MREG: variants seen among roughly 807,000 people sequenced by gnomAD.
The protein encoded by MREG is dilute suppressor protein homolog.
MREG carries 31 observed loss-of-function variants against 28.5 expected under a neutral mutation model. The ratio of observed to expected loss-of-function variants is 1.09; its 90% CI spans 0.82 to 1.47. The LOEUF is 1.47. Among genes scored for constraint, MREG ranks in the 40% most tolerant of loss-of-function variants. The pLI, the probability that MREG is intolerant of heterozygous loss-of-function variation, is 0.00. For synonymous variants in MREG, 106 were observed against 95.2 expected, an observed-to-expected ratio of 1.11 and a Z score of -0.66; for missense variants, 256 against 257.4, an observed-to-expected ratio of 0.99 and a Z score of 0.04.
chr2:215,977,032 T>C (rs1693280708), intron 2 of MREG, among the ~76,000 whole-genome samples: 1 of 152,148 alleles, frequency 6.6e-6, no homozygotes. Flanking sequence ...TATAACAATA[T>C]TAACCTTAAA....
At chr2:216,028,899 TAAAG>T (rs140325166) in intron 1 of MREG, among the ~76,000 whole-genome samples, 66 of 151,420 alleles carry the variant, frequency 4.4e-4, no homozygotes, top group African/African-American at 1.6e-3. Context: ...TACACCACAA[TAAAG>T]AAAAAGAACA....
chr2:216,014,379 G>C (rs555512540), upstream of MREG, among the ~76,000 whole-genome samples: 12 of 152,250 alleles, frequency 7.9e-5, no homozygotes, highest in African/African-American at 2.2e-4. Flanking sequence ...GGCCGGGCGC[G>C]GTAGCTCAAG....
At chr2:215,939,594 A>C (rs1692172226), downstream of MREG, 1 of 152,332 alleles carries the variant, frequency 6.6e-6, no homozygotes, top group Admixed American at 6.5e-5. Context: ...ATAAAAAACA[A>C]ATGGAGCTCT....
At chr2:215,951,254 A>T (rs1325586310) in intron 2 of MREG, among the ~76,000 whole-genome samples, 1 of 152,184 alleles carries the variant, frequency 6.6e-6, no homozygotes, top group Non-Finnish European at 1.5e-5. Flanking sequence ...GTGATGTAAA[A>T]AATGTTATCC....
At chr2:215,974,708 G>C (rs1693194859) in intron 2 of MREG, among the ~76,000 whole-genome samples, 1 of 151,996 alleles carries the variant, frequency 6.6e-6, no homozygotes, top group African/African-American at 2.4e-5. Context: ...AAGAATCTTA[G>C]ACCCTTGGAA....
chr2:215,964,212 G>A (rs1159739278), intron 2 of MREG, among the ~76,000 whole-genome samples: 1 of 152,084 alleles, frequency 6.6e-6, no homozygotes, highest in Non-Finnish European at 1.5e-5. Flanking sequence ...GGCCAGGTGT[G>A]GTGGCCCACA....
chr2:215,962,435 T>A (rs1692816484), intron 2 of MREG, among the ~76,000 whole-genome samples: 1 of 152,226 alleles, frequency 6.6e-6, no homozygotes, highest in South Asian at 2.1e-4. Context: ...TGTGATATTG[T>A]TATTCCTAAT....
At chr2:215,972,601 G>C (rs1311402311) in intron 2 of MREG, among the ~76,000 whole-genome samples, 1 of 138,548 alleles carries the variant, frequency 7.2e-6, no homozygotes, top group Non-Finnish European at 1.5e-5. Context: ...AGCCAATAGA[G>C]TGAGACTCTC....
intron 2 of MREG, among the ~76,000 whole-genome samples, chr2:215,956,226 A>G (rs1168803335): frequency 6.6e-6 from 1 of 152,244 alleles, no homozygotes; most frequent in Non-Finnish European, 1.5e-5. Flanking sequence ...TTGGAAAACC[A>G]AATGTTCCAA....
At chr2:215,949,075 C>CTAATAATAA (rs749047005) in intron 2 of MREG, among the ~76,000 whole-genome samples, 69 of 102,494 alleles carry the variant, frequency 6.7e-4, no homozygotes, top group East Asian at 4.3e-3. Context: ...ACTACTACTA[C>CTAATAATAA]TACTACTACT....
chr2:215,963,648 T>C (rs1180448071), intron 2 of MREG, among the ~76,000 whole-genome samples: 2 of 152,194 alleles, frequency 1.3e-5, no homozygotes, highest in Non-Finnish European at 2.9e-5. Flanking sequence ...CACAACATTA[T>C]ACTCAATTGT....
chr2:215,951,418 A>G (rs950230497), intron 2 of MREG, among the ~76,000 whole-genome samples: 2 of 152,236 alleles, frequency 1.3e-5, no homozygotes, highest in African/African-American at 4.8e-5. Flanking sequence ...AGTCAATTAC[A>G]TATTCTTCCC....
chr2:216,024,974 AAAAAGG>A (rs1416788195), intron 1 of MREG, among the ~76,000 whole-genome samples: 21 of 151,210 alleles, frequency 1.4e-4, no homozygotes, highest in African/African-American at 4.9e-4. Flanking sequence ...AAAGGAAAGG[AAAAAGG>A]AAAAGGAAAA....
Position 215,943,662 on chromosome 2 carries a change from A to G in MREG, c.*1201T>C. 1 of 357,760 alleles carries G rather than the reference A, an allele frequency of 2.8e-6. No individual in the cohort carries two copies. The highest frequency in any genetic ancestry group is 5.5e-6 in the Non-Finnish European group (1 of 181,340). 22.2% of individuals were successfully genotyped at this position (357,760 alleles called of 1,614,324 possible). On this transcript the variant is annotated 3_prime_UTR_variant, in exon 5 of 5. Transcript: ENST00000263268. ...CGAGACCATCGTGGCTAACATGGTG[A>G]AACCCCGTCTCTACTAAAAATACAA...
rs1054085787 is a variant in MREG, at chr2:215,984,462, G to T, written c.255+11844C>A. On this transcript the variant is annotated intron_variant, in intron 2 of 4. Coordinates refer to ENST00000263268, the MANE Select transcript of MREG (RefSeq NM_018000.3). ...GAGCCCAGGAGGTCGAGGCTATCAT[G>T]AGCTATGATTGCACCTCTGTACTGA... Among the ~76,000 whole-genome samples the T allele has an allele frequency of 1.4e-4, 19 of 135,846 alleles. 1 individual carries two copies. Among genetic ancestry groups the T allele is most frequent in the Middle Eastern group, 9.7e-3 (2 of 206 alleles). 89.1% of individuals were successfully genotyped at this position (135,846 alleles called of 152,430 possible).
intron 1 of MREG, among the ~76,000 whole-genome samples, chr2:216,010,644 A>C (rs1024730810): frequency 6.6e-5 from 10 of 151,076 alleles, no homozygotes; most frequent in African/African-American, 2.2e-4. Context: ...GGCGTGAGCC[A>C]CCGTGCCCGG....
intron 1 of MREG, among the ~76,000 whole-genome samples, chr2:216,012,828 AC>A (rs1694348658): frequency 6.6e-6 from 1 of 152,156 alleles, no homozygotes; most frequent in African/African-American, 2.4e-5. Context: ...GAAATAGACA[AC>A]TTTTTTGCTG....
intron 2 of MREG, among the ~76,000 whole-genome samples, chr2:215,974,624 A>G (rs1693192995): frequency 6.6e-6 from 1 of 152,084 alleles, no homozygotes; most frequent in South Asian, 2.1e-4. Context: ...ACACACAAAG[A>G]TCTATTAATT....
intron 2 of MREG, among the ~76,000 whole-genome samples, chr2:215,983,290 C>G (rs1158436314): frequency 6.6e-6 from 1 of 152,224 alleles, no homozygotes; most frequent in Non-Finnish European, 1.5e-5. Context: ...TATTGAGACA[C>G]AGTAATGCAG....
Sources: allele counts gnomAD v4.1 joint callset (sites outside exome capture counted in the v4.1 genomes callset), GRCh38; gene constraint gnomAD v4.1.1; transcripts MANE v1.5; gene names NCBI Gene and HGNC (gene_info 2026-07-23, HGNC 2026-07-21).